Variants in MACROD2 observed in about 807,000 individuals in gnomAD.
The protein encoded by MACROD2 is mono-ADP ribosylhydrolase 2.
A neutral mutation model predicts 70.4 loss-of-function variants in MACROD2; 36 were observed. That is an observed-to-expected ratio of 0.51 (90% CI 0.39 to 0.68). The LOEUF is 0.68. Ranked by LOEUF, MACROD2 falls within the 30% of genes least tolerant of loss-of-function variation. MACROD2 has a pLI of 0.00. For missense variants in MACROD2, 496 were observed against 538.4 expected (o/e 0.92, Z 0.78); for synonymous variants, 172 against 178.8 (o/e 0.96, Z 0.30).
At chr20:14,445,088 C>T (rs1192216689) in intron 3 of MACROD2, among the ~76,000 whole-genome samples, 1 of 152,052 alleles carries the variant, frequency 6.6e-6, no homozygotes, top group Non-Finnish European at 1.5e-5. Context: ...TTTTTCTGCT[C>T]AAAACCCTTC....
chr20:15,368,885 C>T (rs977454772), intron 6 of MACROD2, among the ~76,000 whole-genome samples: 1 of 152,112 alleles, frequency 6.6e-6, no homozygotes, highest in South Asian at 2.1e-4. Context: ...TGATATATTT[C>T]TTGTGGCTAG....
chr20:15,726,896 G>A (rs758771244), intron 8 of MACROD2, among the ~76,000 whole-genome samples: 1 of 152,108 alleles, frequency 6.6e-6, no homozygotes, highest in Non-Finnish European at 1.5e-5. Flanking sequence ...TTACTCTGTT[G>A]ATAGTTTCTT....
At chr20:14,177,384 T>G (rs1382903345) in intron 3 of MACROD2, among the ~76,000 whole-genome samples, 1 of 150,438 alleles carries the variant, frequency 6.6e-6, no homozygotes, top group Admixed American at 6.7e-5. Context: ...TGGCACTATC[T>G]CGGCTCACTG....
chr20:15,425,600 A>G (rs1366396193), intron 6 of MACROD2, among the ~76,000 whole-genome samples: 1 of 152,228 alleles, frequency 6.6e-6, no homozygotes, highest in Non-Finnish European at 1.5e-5. Context: ...AAAATTCTAG[A>G]GGTTAAGAGC....
chr20:15,534,526 TG>T (rs1477904027), intron 8 of MACROD2, among the ~76,000 whole-genome samples: 1 of 152,236 alleles, frequency 6.6e-6, no homozygotes, highest in Non-Finnish European at 1.5e-5. Context: ...CTTTCTTGAC[TG>T]AACAAAAGTA....
At chr20:15,789,282 C>T (rs2051981474) in intron 8 of MACROD2, among the ~76,000 whole-genome samples, 1 of 152,158 alleles carries the variant, frequency 6.6e-6, no homozygotes, top group South Asian at 2.1e-4. Context: ...ATGTTTTGAA[C>T]TGTCTTTTGG....
chr20:15,213,703 C>T (rs1408503410), intron 5 of MACROD2, among the ~76,000 whole-genome samples: 1 of 151,960 alleles, frequency 6.6e-6, no homozygotes, highest in Non-Finnish European at 1.5e-5. Context: ...AAGAGCAGGT[C>T]ATAGGAAAAA....
intron 6 of MACROD2, among the ~76,000 whole-genome samples, chr20:15,329,500 G>A (rs2055463009): frequency 6.6e-6 from 1 of 152,048 alleles, no homozygotes; most frequent in Admixed American, 6.6e-5. Context: ...CACTTAGGAA[G>A]GCAGAGGTGA....
chr20:15,039,411 G>A (rs1217880584), intron 5 of MACROD2, among the ~76,000 whole-genome samples: 1 of 152,126 alleles, frequency 6.6e-6, no homozygotes, highest in Non-Finnish European at 1.5e-5. Context: ...TTGGGGAAGA[G>A]GAGTTGTAGT....
At chr20:15,537,802 C>G (rs2047897172) in intron 8 of MACROD2, among the ~76,000 whole-genome samples, 1 of 152,114 alleles carries the variant, frequency 6.6e-6, no homozygotes, top group African/African-American at 2.4e-5. Flanking sequence ...ACAACTCTTA[C>G]AAATCTCATT....
At chr20:15,497,970 A>G (rs181832618) in intron 7 of MACROD2, among the ~76,000 whole-genome samples, 160 of 152,328 alleles carry the variant, frequency 1.1e-3, no homozygotes, top group Non-Finnish European at 1.9e-3. Flanking sequence ...TTAACTGACA[A>G]TTAACTTTAA....
chr20:15,330,761 G>T lies in MACROD2; in HGVS notation c.541-100644G>T, dbSNP rs532195531. Among the ~76,000 whole-genome samples the T allele has an allele frequency of 4.0e-5, 6 of 151,656 alleles. No homozygotes were observed. In the South Asian group the frequency reaches 1.0e-3, roughly 26 times the overall value. On this transcript the variant is annotated intron_variant, in intron 6 of 17. Transcript: ENST00000684519. ...GGATTAAAGTGACAAAATTCAAACT[G>T]GGCTGTTAAGTCATTCTCTATAATA... is the stretch of plus-strand genomic sequence containing the variant.
intron 5 of MACROD2, among the ~76,000 whole-genome samples, chr20:15,143,196 T>C (rs996666957): frequency 6.6e-6 from 1 of 152,200 alleles, no homozygotes; most frequent in Non-Finnish European, 1.5e-5. Flanking sequence ...TTTTTAATGA[T>C]TGCCATTCTA....
At chr20:16,049,129 C>T (rs1280071012) in intron 17 of MACROD2, among the ~76,000 whole-genome samples, 1 of 151,754 alleles carries the variant, frequency 6.6e-6, no homozygotes, top group Middle Eastern at 3.2e-3. Flanking sequence ...AGATAGAAAT[C>T]AGATCATTTG....
chr20:14,242,903 A>C (rs1193896740), intron 3 of MACROD2, among the ~76,000 whole-genome samples: 1 of 152,198 alleles, frequency 6.6e-6, no homozygotes, highest in Non-Finnish European at 1.5e-5. Flanking sequence ...TATTTTATTA[A>C]TTTGTTAAAT....
intron 5 of MACROD2, among the ~76,000 whole-genome samples, chr20:14,986,918 C>T (rs2074854431): frequency 6.6e-6 from 1 of 152,148 alleles, no homozygotes; most frequent in Non-Finnish European, 1.5e-5. Context: ...CATTTTGGGA[C>T]CCTAAGTCCT....
chr20:15,232,783 G>C (rs1052101628), intron 6 of MACROD2, among the ~76,000 whole-genome samples: 4 of 151,956 alleles, frequency 2.6e-5, no homozygotes, highest in Middle Eastern at 3.2e-3. Context: ...TTAAATATTT[G>C]ATAGGCACCA....
intron 6 of MACROD2, among the ~76,000 whole-genome samples, chr20:15,395,798 G>A (rs867059439): frequency 7.9e-5 from 12 of 152,148 alleles, no homozygotes; most frequent in African/African-American, 1.9e-4. Flanking sequence ...GCAGGCCTTC[G>A]ACAAAGTCAC....
At chr20:15,623,679 CCTATCTATCTAT>C (rs3071265) in intron 8 of MACROD2, among the ~76,000 whole-genome samples, 83 of 148,248 alleles carry the variant, frequency 5.6e-4, no homozygotes, top group Admixed American at 8.8e-4. Context: ...AAGTTATCTG[CCTATCTATCTAT>C]CTATCTATCT....
Sources: allele counts gnomAD v4.1 joint callset (sites outside exome capture counted in the v4.1 genomes callset), GRCh38; gene constraint gnomAD v4.1.1; transcripts MANE v1.5; gene names NCBI Gene and HGNC (gene_info 2026-07-23, HGNC 2026-07-21).